The following RBM24 variants were observed in gnomAD, a reference collection of about 807,000 sequenced individuals.
RBM24 encodes the protein RNA-binding protein 24.
In RBM24, 5 loss-of-function variants were observed where a neutral mutation model predicts 23.6. That is an observed-to-expected ratio of 0.21 (90% CI 0.11 to 0.45). RBM24 has a LOEUF of 0.45. Ranked by LOEUF, RBM24 falls within the 20% of genes least tolerant of loss-of-function variation. The pLI is 0.99. For synonymous variants in RBM24, 151 were observed against 129.5 expected (o/e 1.17, Z -1.13); for missense variants, 252 against 314.6 (o/e 0.80, Z 1.51).
intron 3 of RBM24, 81 bp from the exon 4 acceptor site, chr6:17,291,675 T>A: frequency 6.9e-7 from 1 of 1,450,236 alleles, no homozygotes; most frequent in Non-Finnish European, 9.4e-7. Flanking sequence ...AACCACTAAA[T>A]TTGAGTTTGT....
chr6:17,281,628 G>A lies in RBM24; in HGVS notation c.47G>A (p.Gly16Glu). ...ACGACGTACACCAAGATCTTCGTCG[G>A]GGGGCTGCCCTACCACACCACCGAC... is the stretch of plus-strand genomic sequence containing the variant. ...KDTTYTKIFV[G>E]GLPYHTTDAS... The change falls in exon 1 of 4, where the codon GGG (glycine) becomes GAG (glutamate). Residue 16 changes from glycine (G) to glutamate (E), a missense_variant. Coordinates refer to ENST00000379052, the MANE Select transcript of RBM24 (RefSeq NM_001143942.2). The surrounding 1 kb of genome is among the most constrained non-coding windows in gnomAD (Gnocchi z 7.1). The A allele has an allele frequency of 6.5e-7, 1 of 1,549,518 alleles. No individual in the cohort carries two copies. Among genetic ancestry groups the A allele is most frequent in the Non-Finnish European group, 8.7e-7 (1 of 1,146,488 alleles).
intron 2 of RBM24, 63 bp from the exon 3 acceptor site, chr6:17,284,594 C>A: frequency 1.6e-6 from 2 of 1,238,726 alleles, no homozygotes; most frequent in Non-Finnish European, 2.3e-6. Context: ...TTGCATTTTA[C>A]ATGTAGGAAT....
chr6:17,292,066 G>T lies in RBM24; in HGVS notation c.658G>T (p.Ala220Ser). The change falls in exon 4 of 4, where the codon GCA becomes TCA. Residue 220 changes from alanine to serine, a missense_variant. By Grantham distance (99) the Ala-to-Ser change is moderately conservative. Transcript: ENST00000379052. The part of the protein sequence containing the change: ...AAAAAAAAAA[A>S]AFGQYQPQQL... ...CGCCGCTGCAGCAGCTGCTGCCGCTGCAGCATTTGGCCAGTACCAGCCTCA... is the reference window on the plus strand; with the variant it reads ...CGCCGCTGCAGCAGCTGCTGCCGCTTCAGCATTTGGCCAGTACCAGCCTCA... 1 of 1,592,164 alleles carries T rather than the reference G, an allele frequency of 6.3e-7. No homozygotes were observed. Among genetic ancestry groups the T allele is most frequent in the Non-Finnish European group, 8.5e-7 (1 of 1,174,444 alleles).
intron 3 of RBM24, chr6:17,290,974 CTT>C: frequency 1.1e-6 from 1 of 869,986 alleles, no homozygotes; most frequent in South Asian, 1.4e-5. Flanking sequence ...CTGCACATCT[CTT>C]TGGGAATCAC....
intron 3 of RBM24, chr6:17,288,521 A>G: frequency 1.0e-6 from 1 of 985,406 alleles, no homozygotes; most frequent in African/African-American, 1.7e-5. Flanking sequence ...CATATGCAAA[A>G]TAGGAGGCTA....
At chr6:17,283,278 T>C (rs1760086627) in intron 2 of RBM24, among the ~76,000 whole-genome samples, 1 of 152,316 alleles carries the variant, frequency 6.6e-6, no homozygotes, top group East Asian at 1.9e-4. Context: ...GCCAAATTTG[T>C]CGACTTCAGC....
chr6:17,281,986 C>T lies in RBM24; in HGVS notation c.168+237C>T. ...AGGTCGGGGGCCGGGCAGGGCAGAGCAGGGGTGAAAGGAGAGACCTGTAAT... is the reference window on the plus strand; with the variant it reads ...AGGTCGGGGGCCGGGCAGGGCAGAGTAGGGGTGAAAGGAGAGACCTGTAAT... On this transcript the variant is annotated intron_variant, in intron 1 of 3. Coordinates refer to ENST00000379052, the MANE Select transcript of RBM24 (RefSeq NM_001143942.2). The surrounding 1 kb of genome is among the most constrained non-coding windows in gnomAD (Gnocchi z 7.1). The T allele has an allele frequency of 7.3e-7, 1 of 1,366,816 alleles. No individual in the cohort carries two copies. The highest frequency in any genetic ancestry group is 9.5e-7 in the Non-Finnish European group (1 of 1,053,020). 84.7% of individuals were successfully genotyped at this position (1,366,816 alleles called of 1,614,324 possible). A position where few individuals can be genotyped will look rare whatever the true frequency, so the allele number is the denominator to read the frequency against.
At position 17,281,556 on chromosome 6, in the gene RBM24, G is replaced by C. The variant is rs1357842671; in HGVS notation, c.-26G>C. On this transcript the variant is annotated 5_prime_UTR_variant, in exon 1 of 4. Coordinates refer to ENST00000379052, the MANE Select transcript of RBM24 (RefSeq NM_001143942.2). This position sits in a 1 kb window ranked among gnomAD's most constrained non-coding sequence, Gnocchi z 7.1. ...TGCCCGAGCCGCAGCCGCAGCCGGA[G>C]CCCGAGCCGCGGGGCGGGTGCGAAG... 1.3e-6 allele frequency: 2 copies of C among 1,486,880 alleles called. No homozygotes were observed. Among genetic ancestry groups the C allele is most frequent in the Non-Finnish European group, 1.8e-6 (2 of 1,118,504 alleles). The allele number at this position is 1,486,880 out of a possible 1,614,324, so 92.1% of individuals were successfully genotyped here. A position where few individuals can be genotyped will look rare whatever the true frequency, so the allele number is the denominator to read the frequency against.
rs531431678 is a variant in RBM24, at chr6:17,287,183, A to G, written c.347+2472A>G. 2.0e-4 allele frequency among the ~76,000 whole-genome samples: 31 copies of G among 152,268 alleles called. 1 individual carries two copies. The highest frequency in any genetic ancestry group is 6.8e-3 in the Middle Eastern group (2 of 294). ...TCAGAGTCTGTACCTAACAAATCACACCTGGTCATCCTAAATTCTGTTTGA... is the reference window on the plus strand; with the variant it reads ...TCAGAGTCTGTACCTAACAAATCACGCCTGGTCATCCTAAATTCTGTTTGA... On this transcript the variant is annotated intron_variant, in intron 3 of 3. Coordinates refer to ENST00000379052, the MANE Select transcript of RBM24 (RefSeq NM_001143942.2).
rs139317948 is a variant in RBM24 at position 17,286,732 on chromosome 6, G to C, written c.347+2021G>C. Among the ~76,000 whole-genome samples, 508 of 152,316 alleles carry C rather than the reference G, an allele frequency of 3.3e-3. 2 individuals are homozygous for C. The highest frequency in any genetic ancestry group is 0.011 in the African/African-American group (472 of 41,580). On this transcript the variant is annotated intron_variant, in intron 3 of 3. Transcript: ENST00000379052. ...GCACCACTGGGTATGTCTTAGGCAG[G>C]TAAAAGGAAGACTGGATATGTCTGG...
chr6:17,283,266 A>G (rs1760085945), intron 2 of RBM24, among the ~76,000 whole-genome samples: 2 of 152,192 alleles, frequency 1.3e-5, no homozygotes, highest in Non-Finnish European at 2.9e-5. Context: ...TGGATTATAT[A>G]GGCCAAATTT....
At chr6:17,282,979 T>A (rs768134464) in intron 2 of RBM24, 51 bp downstream of exon 2, 4 of 1,294,572 alleles carry the variant, frequency 3.1e-6, no homozygotes, top group Non-Finnish European at 4.5e-6. Flanking sequence ...CCCCCATTTA[T>A]GGGTGGGATG....
At chr6:17,283,481 G>A (rs1174785557) in intron 2 of RBM24, among the ~76,000 whole-genome samples, 1 of 152,070 alleles carries the variant, frequency 6.6e-6, no homozygotes, top group African/African-American at 2.4e-5. Flanking sequence ...GCAATGACGC[G>A]ATCTAGGCTC....
intron 3 of RBM24, 72 bp downstream of exon 3, chr6:17,284,783 A>G (rs1204900128): frequency 2.7e-6 from 3 of 1,117,896 alleles, no homozygotes; most frequent in East Asian, 4.8e-5. Flanking sequence ...TTTGTTATAT[A>G]CAGATAAGAT....
At chr6:17,282,669 G>T (rs1760063023) in intron 1 of RBM24, 136 bp from the exon 2 acceptor site, 3 of 990,998 alleles carry the variant, frequency 3.0e-6, no homozygotes, top group Non-Finnish European at 4.0e-6. Flanking sequence ...GGAGGGTCCA[G>T]CCAAAAGAAG....
chr6:17,284,836 ATT>A (rs996018993), intron 3 of RBM24, 125 bp downstream of exon 3: 2 of 617,902 alleles, frequency 3.2e-6, no homozygotes, highest in Non-Finnish European at 5.3e-6. Flanking sequence ...TTTTATATAT[ATT>A]TGTGCATTTT....
chr6:17,283,290 A>G (rs967639380), intron 2 of RBM24, among the ~76,000 whole-genome samples: 1 of 152,212 alleles, frequency 6.6e-6, no homozygotes, highest in Non-Finnish European at 1.5e-5. Flanking sequence ...GACTTCAGCT[A>G]ATATACTTCC....
intron 3 of RBM24, chr6:17,290,937 A>G: frequency 8.4e-7 from 1 of 1,192,142 alleles, no homozygotes; most frequent in South Asian, 1.3e-5. Context: ...TGGGGGAAAA[A>G]AAAGAGAAAG....
At chr6:17,282,604 A>ATCCC in intron 1 of RBM24, 2 of 173,400 alleles carry the variant, frequency 1.2e-5, no homozygotes, top group Admixed American at 9.6e-5. Flanking sequence ...TCCTTCGTCT[A>ATCCC]CCCGCCCCCC....
Sources: allele counts gnomAD v4.1 joint callset (sites outside exome capture counted in the v4.1 genomes callset), GRCh38; gene constraint gnomAD v4.1.1; non-coding constraint Gnocchi (gnomAD v3.1); transcripts MANE v1.5; gene names NCBI Gene and HGNC (gene_info 2026-07-23, HGNC 2026-07-21).